STXBP4: variants seen among roughly 807,000 people sequenced by gnomAD.
STXBP4 encodes the protein syntaxin binding protein 4, also known as syntaxin-binding protein 4.
A neutral mutation model predicts 76.1 loss-of-function variants in STXBP4; 55 were observed. That is an observed-to-expected ratio of 0.72 (90% CI 0.58 to 0.91). STXBP4 has a LOEUF of 0.91. Ranked by LOEUF, STXBP4 falls within the 40% of genes least tolerant of loss-of-function variation. STXBP4 has a pLI of 0.00. For missense variants in STXBP4, 618 were observed against 636.9 expected (o/e 0.97, Z 0.32); for synonymous variants, 201 against 220.2 (o/e 0.91, Z 0.77).
intron 16 of STXBP4, among the ~76,000 whole-genome samples, chr17:55,123,860 A>G (rs2787493): frequency 0.24 from 36,726 of 151,582 alleles, 4,927 homozygotes; most frequent in South Asian, 0.31. Flanking sequence ...AGATTGCACC[A>G]CGGCACTCCA....
chr17:55,187,637 T>C, the STXBP4 span, among the ~76,000 whole-genome samples: 6 of 152,030 alleles, frequency 3.9e-5, no homozygotes, highest in African/African-American at 7.2e-5. Context: ...CCCAAGGTTG[T>C]GAGGCTGTAA....
At chr17:55,008,762 T>G (rs1420947815) in intron 8 of STXBP4, among the ~76,000 whole-genome samples, 1 of 152,120 alleles carries the variant, frequency 6.6e-6, no homozygotes, top group Non-Finnish European at 1.5e-5. Context: ...GGAGGTCCTC[T>G]CTGGAATGAG....
Position 55,173,154 on chromosome 17 carries a change from A to G in STXBP4, c.*13243A>G, listed in dbSNP as rs1037552492. On this transcript the variant is annotated 3_prime_UTR_variant, in exon 18 of 18. Coordinates refer to ENST00000376352, the MANE Select transcript of STXBP4 (RefSeq NM_178509.6). Reference sequence around the variant, plus strand: ...TTTCATTGTTTTGCCTTGTTTTGTCATTGAGTTGTTATAGTTAAAGTTTAT... The same window carrying G: ...TTTCATTGTTTTGCCTTGTTTTGTCGTTGAGTTGTTATAGTTAAAGTTTAT... The G allele has an allele frequency of 3.6e-4, 55 of 152,186 alleles. No individual in the cohort carries two copies. Among genetic ancestry groups the G allele is most frequent in the African/African-American group, 1.3e-3 (55 of 41,442 alleles). The allele number at this position is 152,186 out of a possible 1,614,324, so 9.4% of individuals were successfully genotyped here. A position where few individuals can be genotyped will look rare whatever the true frequency, so the allele number is the denominator to read the frequency against.
Position 54,990,820 on chromosome 17 carries a change from C to T in STXBP4, c.48-5C>T, listed in dbSNP as rs199603873. 6.3e-7 allele frequency: 1 copy of T among 1,596,990 alleles called. No individual in the cohort carries two copies. The highest frequency in any genetic ancestry group is 8.5e-7 in the Non-Finnish European group (1 of 1,174,666). ...ACCTGTGTGTGCTAATTTACTTTAT[C>T]TTAGGGATCCTGCCTTTCAGATGAT... On this transcript the variant is annotated splice_region_variant and splice_polypyrimidine_tract_variant and intron_variant, in intron 3 of 17. Coordinates refer to ENST00000376352, the MANE Select transcript of STXBP4 (RefSeq NM_178509.6).
rs773849335 is a variant in STXBP4, at chr17:55,169,180, C to T, written c.*9269C>T. ...TAATAGGGAAATAGAGAAATAGAACCGATCCAAAGGAAAGGGGGAAAAAAA... is the reference window on the plus strand; with the variant it reads ...TAATAGGGAAATAGAGAAATAGAACTGATCCAAAGGAAAGGGGGAAAAAAA... On this transcript the variant is annotated 3_prime_UTR_variant, in exon 18 of 18. Transcript: ENST00000376352. The T allele has an allele frequency of 1.3e-5, 2 of 151,936 alleles. No homozygotes were observed. Among genetic ancestry groups the T allele is most frequent in the Non-Finnish European group, 2.9e-5 (2 of 67,986 alleles). The allele number at this position is 151,936 out of a possible 1,614,324, so 9.4% of individuals were successfully genotyped here.
intron 8 of STXBP4, among the ~76,000 whole-genome samples, chr17:55,024,547 A>T (rs543063052): frequency 1.3e-5 from 2 of 152,322 alleles, no homozygotes; most frequent in African/African-American, 4.8e-5. Context: ...CTCACATTGG[A>T]TATGTAACAT....
At chr17:55,198,021 C>T in the STXBP4 span, among the ~76,000 whole-genome samples, 9 of 152,216 alleles carry the variant, frequency 5.9e-5, no homozygotes, top group Admixed American at 5.9e-4. Context: ...AGGGTGGGAG[C>T]AGCCCGAGTA....
intron 16 of STXBP4, among the ~76,000 whole-genome samples, chr17:55,105,637 TA>T (rs1261660844): frequency 1.4e-5 from 2 of 144,854 alleles, no homozygotes; most frequent in East Asian, 2.0e-4. Context: ...ACCCAGCTAA[TA>T]TTTTTTTTTT....
intron 16 of STXBP4, among the ~76,000 whole-genome samples, chr17:55,097,397 C>T (rs936704076): frequency 1.2e-4 from 18 of 152,156 alleles, no homozygotes; most frequent in Non-Finnish European, 1.9e-4. Context: ...GGCGCGGTGG[C>T]TCATGCCTGT....
chr17:55,128,648 C>T (rs1263655028), intron 16 of STXBP4, among the ~76,000 whole-genome samples: 1 of 152,186 alleles, frequency 6.6e-6, no homozygotes, highest in Non-Finnish European at 1.5e-5. Context: ...AGGAGTCTCG[C>T]TCTGTCGCCC....
At chr17:54,987,197 A>C (rs868187229) in intron 3 of STXBP4, among the ~76,000 whole-genome samples, 8 of 152,308 alleles carry the variant, frequency 5.3e-5, no homozygotes, top group Middle Eastern at 3.4e-3. Flanking sequence ...AACGTAAAAC[A>C]TACCTTTAAC....
At chr17:55,207,517 C>T in the STXBP4 span, among the ~76,000 whole-genome samples, 7 of 152,190 alleles carry the variant, frequency 4.6e-5, no homozygotes, top group East Asian at 3.9e-4. Context: ...GAAAAGCTAA[C>T]GACCTCTCTA....
At chr17:54,983,567 A>G (rs919921863) in intron 1 of STXBP4, among the ~76,000 whole-genome samples, 6 of 152,126 alleles carry the variant, frequency 3.9e-5, no homozygotes, top group East Asian at 3.9e-4. Context: ...TTCTAATGCC[A>G]TATTACTAGC....
chr17:55,033,799 G>A (rs559095036), intron 9 of STXBP4, among the ~76,000 whole-genome samples: 3 of 152,236 alleles, frequency 2.0e-5, no homozygotes, highest in Admixed American at 2.0e-4. Flanking sequence ...AACATTATCT[G>A]CTGCTATTAA....
At chr17:55,043,385 C>G (rs768152715) in intron 11 of STXBP4, 60 bp downstream of exon 11, 1 of 1,023,344 alleles carries the variant, frequency 9.8e-7, no homozygotes, top group Non-Finnish European at 1.4e-6. Context: ...AGAAAAAAAT[C>G]CTATATTGGA....
At chr17:55,109,041 A>G (rs2529527) in intron 16 of STXBP4, among the ~76,000 whole-genome samples, 36,896 of 152,126 alleles carry the variant, frequency 0.24, 4,956 homozygotes, top group South Asian at 0.32. Flanking sequence ...TGATAGTATT[A>G]TTTTAATCTA....
chr17:55,120,328 A>G (rs1663893425), intron 16 of STXBP4, among the ~76,000 whole-genome samples: 1 of 152,234 alleles, frequency 6.6e-6, no homozygotes, highest in Non-Finnish European at 1.5e-5. Context: ...GTGAGCCCAC[A>G]TCACGTTCAC....
chr17:54,970,835 T>C (rs915629172), intron 1 of STXBP4, among the ~76,000 whole-genome samples: 4 of 152,218 alleles, frequency 2.6e-5, no homozygotes, highest in South Asian at 2.1e-4. Context: ...AATGAAACTC[T>C]TATGTACAGT....
chr17:55,172,928 C>T lies in STXBP4; in HGVS notation c.*13017C>T, dbSNP rs1241237576. The stretch of plus-strand genomic sequence containing the variant: ...GTAGAGGTTATCTAAGCCAGCTCCT[C>T]CTTTTACTGGAAAAGGAAAAGACTG... On this transcript the variant is annotated 3_prime_UTR_variant, in exon 18 of 18. Coordinates refer to ENST00000376352, the MANE Select transcript of STXBP4 (RefSeq NM_178509.6). 6.6e-6 allele frequency: 1 copy of T among 152,212 alleles called. No individual in the cohort carries two copies. Among genetic ancestry groups the T allele is most frequent in the Admixed American group, 6.5e-5 (1 of 15,280 alleles). 9.4% of individuals were successfully genotyped at this position (152,212 alleles called of 1,614,324 possible).
Sources: allele counts gnomAD v4.1 joint callset (sites outside exome capture counted in the v4.1 genomes callset), GRCh38; gene constraint gnomAD v4.1.1; transcripts MANE v1.5; gene names NCBI Gene and HGNC (gene_info 2026-07-23, HGNC 2026-07-21).